The following PLA1A variants were observed in gnomAD, a reference collection of about 807,000 sequenced individuals.
PLA1A encodes phospholipase A1 member A.
A neutral mutation model predicts 49.4 loss-of-function variants in PLA1A; 47 were observed. That is an observed-to-expected ratio of 0.95 (90% confidence interval 0.75 to 1.21). The LOEUF (loss-of-function observed/expected upper bound fraction) is 1.21. Ranked by LOEUF, PLA1A falls within the 50% of genes most tolerant of loss-of-function variation. PLA1A has a pLI of 0.00. For missense variants in PLA1A, 561 were observed against 563.9 expected (o/e 0.99, Z 0.05); for synonymous variants, 224 against 207.9 (o/e 1.08, Z -0.67).
chr3:119,598,726 G>GAAT, intron 1 of PLA1A: 1 of 152,264 alleles, frequency 6.6e-6, no homozygotes, highest in Admixed American at 6.5e-5. Flanking sequence ...CCTGGCTCTA[G>GAAT]AATATGTCAT....
At chr3:119,602,236 G>T (rs1202238773) in intron 1 of PLA1A, among the ~76,000 whole-genome samples, 1 of 152,092 alleles carries the variant, frequency 6.6e-6, no homozygotes, top group Non-Finnish European at 1.5e-5. Flanking sequence ...TGTAAGCTAG[G>T]GATCAATAGA....
rs761473618 is a variant in PLA1A, at chr3:119,597,949, G to C, written c.36G>C (p.Val12=). Reference sequence around the variant, plus strand: ...GTCCCTGGGAGAGCTGCTTCTGGGTGGGGGGCCTCATTTTGTGGCTCAGCG... The same window carrying C: ...GTCCCTGGGAGAGCTGCTTCTGGGTCGGGGGCCTCATTTTGTGGCTCAGCG... The part of the protein sequence containing the change: ...PPGPWESCFW[V]GGLILWLSVG... Residue 12 remains valine, a synonymous_variant, in exon 1 of 11, where the codon GTG becomes GTC. Coordinates refer to ENST00000273371, the MANE Select transcript of PLA1A (RefSeq NM_015900.4). The C allele has an allele frequency of 6.2e-7, 1 of 1,610,252 alleles. No homozygotes were observed.
rs184347993 is a variant in PLA1A, at chr3:119,614,042, C to G, written c.664+924C>G. Among the ~76,000 whole-genome samples, 651 of 152,302 alleles carry G rather than the reference C, an allele frequency of 4.3e-3. 3 individuals are homozygous for G. The highest frequency in any genetic ancestry group is 0.015 in the African/African-American group (632 of 41,554). Reference sequence around the variant, plus strand: ...CTTCATGTCTGCTCCACGGCAAATGCCTGTGGGGTCTGTGCTTAGTGTGGT... The same window carrying G: ...CTTCATGTCTGCTCCACGGCAAATGGCTGTGGGGTCTGTGCTTAGTGTGGT... On this transcript the variant is annotated intron_variant, in intron 5 of 10. Transcript: ENST00000273371.
chr3:119,624,996 T>G (rs973248078), intron 8 of PLA1A, 128 bp from the exon 9 acceptor site: 70 of 615,850 alleles, frequency 1.1e-4, no homozygotes, highest in Non-Finnish European at 1.8e-5. Context: ...TTATAGGTGA[T>G]CTGCTCCTGG....
chr3:119,622,196 AAGAAGAAGAAGAAGG>A (rs1179016791), intron 8 of PLA1A, among the ~76,000 whole-genome samples: 2,323 of 43,996 alleles, frequency 0.053, 90 homozygotes, highest in African/African-American at 0.11. Context: ...GAAGAAGAAG[AAGAAGAAGAAGAAGG>A]AGACAGAATC....
At chr3:119,618,564 G>A (rs1020183033) in intron 7 of PLA1A, among the ~76,000 whole-genome samples, 1 of 152,184 alleles carries the variant, frequency 6.6e-6, no homozygotes, top group Non-Finnish European at 1.5e-5. Context: ...ATCCCTAAGA[G>A]TGGAACACAA....
At chr3:119,609,661 G>A in intron 4 of PLA1A, 85 bp downstream of exon 4, 1 of 719,074 alleles carries the variant, frequency 1.4e-6, no homozygotes, top group South Asian at 1.7e-5. Flanking sequence ...CAAGCAGAGG[G>A]GAGTACAGAG....
chr3:119,613,100 A>G lies in PLA1A; in HGVS notation c.646A>G (p.Ile216Val). ...DAGDALFVEAIHTDTDNLGIR... is the reference protein window; with the variant it reads ...DAGDALFVEAVHTDTDNLGIR... ...TGGAGATGCCCTCTTCGTGGAAGCC[A>G]TCCACACAGACACCGACAGTGAGCT... Residue 216 changes from isoleucine to valine, a missense_variant, in exon 5 of 11, where the codon ATC becomes GTC. Coordinates refer to ENST00000273371, the MANE Select transcript of PLA1A (RefSeq NM_015900.4). 6.2e-7 allele frequency: 1 copy of G among 1,606,982 alleles called. No individual in the cohort carries two copies. Among genetic ancestry groups the G allele is most frequent in the Non-Finnish European group, 8.5e-7 (1 of 1,176,242 alleles).
At chr3:119,622,149 G>GGAA (rs59447645) in intron 8 of PLA1A, among the ~76,000 whole-genome samples, 4,831 of 126,040 alleles carry the variant, frequency 0.038, 100 homozygotes, top group Non-Finnish European at 0.053. Flanking sequence ...AGGAGGAGGA[G>GGAA]GAAGAAGAAG....
At chr3:119,603,714 C>T (rs1274795829) in intron 1 of PLA1A, among the ~76,000 whole-genome samples, 1 of 152,198 alleles carries the variant, frequency 6.6e-6, no homozygotes, top group Non-Finnish European at 1.5e-5. Flanking sequence ...GTTTGGGCTG[C>T]TTCACACTGC....
intron 9 of PLA1A, among the ~76,000 whole-genome samples, chr3:119,626,629 C>T (rs2052542542): frequency 6.6e-6 from 1 of 152,130 alleles, no homozygotes; most frequent in Non-Finnish European, 1.5e-5. Flanking sequence ...TTAAACAGGA[C>T]AGTGATGAGA....
Position 119,622,635 on chromosome 3 carries a change from T to C in PLA1A, c.1013-2489T>C, listed in dbSNP as rs534038760. On this transcript the variant is annotated intron_variant, in intron 8 of 10. Coordinates refer to ENST00000273371, the MANE Select transcript of PLA1A (RefSeq NM_015900.4). ...TGTTCCCTTCCCCAATGTTAGCCCATAAAATGTGGCAAATGAGAAAGTACA... is the reference window on the plus strand; with the variant it reads ...TGTTCCCTTCCCCAATGTTAGCCCACAAAATGTGGCAAATGAGAAAGTACA... Among the ~76,000 whole-genome samples, 9 of 152,214 alleles carry C rather than the reference T, an allele frequency of 5.9e-5. No homozygotes were observed. In the East Asian group the frequency reaches 1.2e-3, roughly 20 times the overall value.
rs184832020 is a variant in PLA1A, at chr3:119,602,694, A to T, written c.74-4080A>T. ...CTGCTTTGTTCAAAAGTACATTCTA[A>T]TGTGGACTGACCACTAATAGAAAAT... On this transcript the variant is annotated intron_variant, in intron 1 of 10. Coordinates refer to ENST00000273371, the MANE Select transcript of PLA1A (RefSeq NM_015900.4). Among the ~76,000 whole-genome samples, 276 of 152,298 alleles carry T rather than the reference A, an allele frequency of 1.8e-3. 2 individuals carry two copies. The highest frequency in any genetic ancestry group is 0.017 in the Admixed American group (253 of 15,288).
At chr3:119,607,151 C>T (rs1328046775) in intron 2 of PLA1A, 176 bp downstream of exon 2, 7 of 614,868 alleles carry the variant, frequency 1.1e-5, no homozygotes, top group Non-Finnish European at 2.0e-5. Context: ...ACATGGTGTT[C>T]ATTCTTATTG....
chr3:119,604,693 A>G (rs1323311636), intron 1 of PLA1A, among the ~76,000 whole-genome samples: 1 of 152,192 alleles, frequency 6.6e-6, no homozygotes, highest in East Asian at 1.9e-4. Flanking sequence ...AAAGGTAAAG[A>G]TGATAATTTA....
chr3:119,624,842 A>C (rs1442278162), intron 8 of PLA1A, among the ~76,000 whole-genome samples: 1 of 152,048 alleles, frequency 6.6e-6, no homozygotes, highest in African/African-American at 2.4e-5. Flanking sequence ...TGTTGGTCAG[A>C]CTGGTCTCAA....
chr3:119,603,061 G>A (rs563557499), intron 1 of PLA1A, among the ~76,000 whole-genome samples: 2 of 152,280 alleles, frequency 1.3e-5, no homozygotes, highest in Admixed American at 1.3e-4. Context: ...CTCTTGGAGT[G>A]GGGTGGATTA....
At chr3:119,601,796 A>G (rs115201204) in intron 1 of PLA1A, among the ~76,000 whole-genome samples, 484 of 152,290 alleles carry the variant, frequency 3.2e-3, no homozygotes, top group African/African-American at 0.011. Flanking sequence ...AATACTTCTA[A>G]TATTTCCCAG....
At position 119,625,114 on chromosome 3, in the gene PLA1A, G is replaced by C; in HGVS notation, c.1013-10G>C. The C allele has an allele frequency of 1.3e-6, 2 of 1,580,194 alleles. No homozygotes were observed. The highest frequency in any genetic ancestry group is 1.7e-6 in the Non-Finnish European group (2 of 1,149,262). On this transcript the variant is annotated splice_polypyrimidine_tract_variant and intron_variant, in intron 8 of 10. Transcript: ENST00000273371. ...CTCTGGCCAGTCTCTGTTGTGCTTT[G>C]GTTTCCTAGTGCATCACAGCCTCGT...
Sources: gnomAD v4.1 joint callset for allele counts (sites outside exome capture counted in the v4.1 genomes callset) on GRCh38, gnomAD v4.1.1 for gene constraint, MANE v1.5 for transcripts, NCBI Gene and HGNC (gene_info 2026-07-23, HGNC 2026-07-21) for gene names.